The following NBPF10 variants were observed in gnomAD, a reference collection of about 807,000 sequenced individuals.
The protein encoded by NBPF10 is NBPF family member NBPF10.
NBPF10 carries 63 observed loss-of-function variants against 77.9 expected under a neutral mutation model. The observed-to-expected ratio is 0.81, with a 90% CI of 0.66 to 1.00. The LOEUF (loss-of-function observed/expected upper bound fraction) is 1.00. Ranked by LOEUF, NBPF10 falls within the 50% of genes least tolerant of loss-of-function variation. The pLI is 0.00. For synonymous variants in NBPF10, 146 were observed against 264.5 expected, an observed-to-expected ratio of 0.55 and a Z score of 4.35; for missense variants, 522 against 679.8, an observed-to-expected ratio of 0.77 and a Z score of 2.58.
exon 86 of NBPF10, chr1:146,069,612 A>T: frequency 6.4e-7 from 1 of 1,569,034 alleles, no homozygotes; most frequent in Non-Finnish European, 8.6e-7. Context: ...TAGGGCTGGC[A>T]TGAGTCACAC....
Position 146,140,436 on chromosome 1 carries a change from T to C in NBPF10, c.566+48A>G, listed in dbSNP as rs781844069. 3.7e-5 allele frequency: 23 copies of C among 615,974 alleles called. 7 individuals are homozygous for C. The highest frequency in any genetic ancestry group is 6.5e-5 in the Non-Finnish European group (23 of 355,528). 38.2% of individuals were successfully genotyped at this position (615,974 alleles called of 1,614,324 possible). On this transcript the variant is annotated intron_variant, in intron 4 of 89. Transcript: ENST00000583866. ...CCAGAGAGGGTGTGCCTCCTAGACA[T>C]TTTCATACGTTACCACCCATTACTT...
At chr1:146,138,920 G>C (rs587634514) in intron 5 of NBPF10, among the ~76,000 whole-genome samples, 1 of 142,146 alleles carries the variant, frequency 7.0e-6, no homozygotes, top group Non-Finnish European at 1.6e-5. Context: ...AAGCATCTGG[G>C]ATTACAAGCG....
chr1:146,126,143 T>A, intron 14 of NBPF10, 93 bp downstream of exon 14: 2 of 823,664 alleles, frequency 2.4e-6, no homozygotes, highest in East Asian at 2.4e-5. Context: ...GGCAATGACA[T>A]CTCTCAGCTC....
chr1:146,118,785 C>CAT (rs1657975716), intron 23 of NBPF10, among the ~76,000 whole-genome samples: 2 of 10,520 alleles, frequency 1.9e-4, no homozygotes, highest in Non-Finnish European at 1.8e-4. Flanking sequence ...CACACACACA[C>CAT]ACACAGAGAG....
chr1:146,142,645 C>G lies in NBPF10; in HGVS notation c.278+5G>C. 1 of 1,331,322 alleles carries G rather than the reference C, an allele frequency of 7.5e-7. No homozygotes were observed. The highest frequency in any genetic ancestry group is 1.3e-5 in the South Asian group (1 of 75,136). 82.5% of individuals were successfully genotyped at this position (1,331,322 alleles called of 1,614,324 possible). A position where few individuals can be genotyped will look rare whatever the true frequency, so the allele number is the denominator to read the frequency against. ...CGCCTGCCTCCCCCTATGGGGTCCC[C>G]TCACCTGAGCTCCTCAGCTTGCTTC... On this transcript the variant is annotated splice_donor_5th_base_variant and intron_variant, in intron 2 of 89. Coordinates refer to ENST00000583866, the Ensembl canonical transcript of NBPF10.
chr1:146,126,100 T>G (rs1396005186), intron 14 of NBPF10, 136 bp downstream of exon 14: 5 of 664,370 alleles, frequency 7.5e-6, no homozygotes, highest in Admixed American at 5.0e-5. Flanking sequence ...TAGAGTTTCA[T>G]TCAACCTACA....
chr1:146,068,553 G>C (rs1655439176), intron 87 of NBPF10, among the ~76,000 whole-genome samples: 1 of 30,218 alleles, frequency 3.3e-5, no homozygotes, highest in Admixed American at 5.1e-4. Flanking sequence ...TTGCCATACA[G>C]CCTTTGACGT....
In NBPF10 at chr1:146,068,001, A is replaced by C; in HGVS notation, c.11035+2T>G. 1 of 527,158 alleles carries C rather than the reference A, an allele frequency of 1.9e-6. No homozygotes were observed. The highest frequency in any genetic ancestry group is 3.3e-6 in the Non-Finnish European group (1 of 305,622). 32.7% of individuals were successfully genotyped at this position (527,158 alleles called of 1,614,324 possible). A position where few individuals can be genotyped will look rare whatever the true frequency, so the allele number is the denominator to read the frequency against. On this transcript the variant is annotated splice_donor_variant, in intron 88 of 89. Coordinates refer to ENST00000583866, the Ensembl canonical transcript of NBPF10. LOFTEE classifies it high-confidence loss of function. ...TTATCACCTTCACAGTAAGGTACTCACTGTCCACGTCAAGAGCCAAGCCAA... is the reference window on the plus strand; with the variant it reads ...TTATCACCTTCACAGTAAGGTACTCCCTGTCCACGTCAAGAGCCAAGCCAA...
chr1:146,123,525 CAGAGAG>C (rs1186150213), intron 17 of NBPF10, among the ~76,000 whole-genome samples: 2 of 72,020 alleles, frequency 2.8e-5, no homozygotes, highest in African/African-American at 7.3e-5. Flanking sequence ...CACACACACA[CAGAGAG>C]AGAGAGAACG....
chr1:146,129,928 G>T, intron 11 of NBPF10, among the ~76,000 whole-genome samples: 2 of 100,804 alleles, frequency 2.0e-5, no homozygotes, highest in South Asian at 2.8e-4. Context: ...AATACTTTAA[G>T]TCTTAGGGTA....
At chr1:146,092,924 TG>T (rs1359722019) in intron 56 of NBPF10, among the ~76,000 whole-genome samples, 1 of 123,658 alleles carries the variant, frequency 8.1e-6, no homozygotes, top group African/African-American at 3.1e-5. Flanking sequence ...TTGTCACATC[TG>T]CCCAGATCCA....
chr1:146,126,103 A>T, intron 14 of NBPF10, 133 bp downstream of exon 14: 2 of 672,042 alleles, frequency 3.0e-6, no homozygotes, highest in Non-Finnish European at 2.7e-6. Context: ...AGTTTCATTC[A>T]ACCTACATGT....
chr1:146,067,544 A>C (rs1450055484), intron 88 of NBPF10, among the ~76,000 whole-genome samples: 2 of 150,050 alleles, frequency 1.3e-5, no homozygotes, highest in African/African-American at 5.0e-5. Context: ...TTGTGCAAAC[A>C]GTTACGCCAT....
intron 11 of NBPF10, among the ~76,000 whole-genome samples, chr1:146,129,489 C>G (rs1659068788): frequency 7.3e-6 from 1 of 137,278 alleles, no homozygotes; most frequent in Admixed American, 7.5e-5. Context: ...AAATATGGGA[C>G]TATGTGGAAA....
At chr1:146,066,972 T>A (rs1553777735) in intron 89 of NBPF10, among the ~76,000 whole-genome samples, 1 of 144,064 alleles carries the variant, frequency 6.9e-6, no homozygotes, top group African/African-American at 2.5e-5. Flanking sequence ...GCTTTTGAAG[T>A]ATGGTCAACC....
At chr1:146,139,372 G>A (rs1245169161) in intron 5 of NBPF10, among the ~76,000 whole-genome samples, 3 of 151,936 alleles carry the variant, frequency 2.0e-5, no homozygotes, top group South Asian at 2.1e-4. Flanking sequence ...GCCTCCCAAA[G>A]TGCTCGGATT....
At chr1:146,067,064 G>C (rs1655159238) in intron 89 of NBPF10, 116 bp downstream of exon 89, 1 of 572,056 alleles carries the variant, frequency 1.7e-6, no homozygotes, top group African/African-American at 1.9e-5. Context: ...AGCAATGACA[G>C]TAGGAGTAAT....
chr1:146,067,607 C>A (rs1314877902), intron 88 of NBPF10, among the ~76,000 whole-genome samples: 2 of 150,406 alleles, frequency 1.3e-5, no homozygotes, highest in East Asian at 3.9e-4. Flanking sequence ...AGGAGAAAAA[C>A]TGCAATATTT....
Position 146,067,167 on chromosome 1 carries a change from T to A in NBPF10, c.11144+13A>T, listed in dbSNP as rs587672552. ...TAACACAGAACTAAGGATCCACAAT[T>A]GCTGAAAGTCACCTGGGGCATGGTG... On this transcript the variant is annotated intron_variant, in intron 89 of 89. Transcript: ENST00000583866. 2.9e-5 allele frequency: 18 copies of A among 618,880 alleles called. 4 individuals carry two copies. The highest frequency in any genetic ancestry group is 1.5e-4 in the East Asian group (5 of 33,728). 38.3% of individuals were successfully genotyped at this position (618,880 alleles called of 1,614,324 possible).
Sources: allele counts gnomAD v4.1 joint callset (sites outside exome capture counted in the v4.1 genomes callset), GRCh38; gene constraint gnomAD v4.1.1; transcripts MANE v1.5; gene names NCBI Gene and HGNC (gene_info 2026-07-23, HGNC 2026-07-21).